ADAMTS19: variants seen among roughly 807,000 people sequenced by gnomAD.
ADAMTS19 encodes A disintegrin and metalloproteinase with thrombospondin motifs 19.
A neutral mutation model predicts 153.3 loss-of-function variants in ADAMTS19; 93 were observed. That is an observed-to-expected ratio of 0.61 (90% CI 0.51 to 0.72). The LOEUF is 0.72. Ranked by LOEUF, ADAMTS19 falls within the 30% of genes least tolerant of loss-of-function variation. The pLI is 0.00. For synonymous variants in ADAMTS19, 600 were observed against 556.6 expected, an observed-to-expected ratio of 1.08 and a Z score of -1.10; for missense variants, 1,482 against 1,552.1, an observed-to-expected ratio of 0.95 and a Z score of 0.76.
At chr5:129,718,240 A>G (rs1756818424) in intron 21 of ADAMTS19, among the ~76,000 whole-genome samples, 1 of 152,032 alleles carries the variant, frequency 6.6e-6, no homozygotes, top group Non-Finnish European at 1.5e-5. Context: ...TTTCTAAATC[A>G]TTCATAAGCA....
At position 129,694,848 on chromosome 5, in the gene ADAMTS19, C is replaced by T. The variant is rs1440278764; in HGVS notation, c.2947C>T (p.Gln983Ter). 6.3e-7 allele frequency: 1 copy of T among 1,586,198 alleles called. No individual in the cohort carries two copies. The highest frequency in any genetic ancestry group is 1.2e-5 in the South Asian group (1 of 86,596). Residue 983 changes from glutamine (Q) to a stop codon, truncating the protein, a stop_gained, in exon 19 of 23, where the codon CAA becomes TAA. Coordinates refer to ENST00000274487, the MANE Select transcript of ADAMTS19 (RefSeq NM_133638.6). LOFTEE classifies it high-confidence loss of function. ...QIRKCNEQPC[Q>*]TRWMMTEWTP... ...TCGAAAGTGCAATGAGCAACCATGT[C>T]AAACAAGGTAACTCTATTCCAAGGG...
In ADAMTS19 at chr5:129,668,706, A is replaced by C. The variant is rs1754164030; in HGVS notation, c.2506+3127A>C. On this transcript the variant is annotated intron_variant, in intron 16 of 22. Transcript: ENST00000274487. ...CATTGCAGTAGCATTCATAGGTTCC[A>C]AGGATTAGGATGTGGGTATCTTTTT... Among the ~76,000 whole-genome samples, 3 of 152,256 alleles carry C rather than the reference A, an allele frequency of 2.0e-5. 1 individual carries two copies. In the South Asian group the frequency reaches 6.2e-4, roughly 32 times the overall value.
intron 6 of ADAMTS19, among the ~76,000 whole-genome samples, chr5:129,537,477 G>A (rs1412170904): frequency 5.3e-5 from 8 of 152,080 alleles, no homozygotes; most frequent in African/African-American, 1.4e-4. Context: ...ACATGCACAC[G>A]TATGTTTATT....
intron 6 of ADAMTS19, among the ~76,000 whole-genome samples, chr5:129,538,691 C>T (rs145584519): frequency 1.5e-3 from 234 of 152,214 alleles, no homozygotes; most frequent in African/African-American, 5.2e-3. Flanking sequence ...AGAATGTTAT[C>T]TATGTTGTTG....
chr5:129,484,152 T>A (rs932141785), intron 2 of ADAMTS19, among the ~76,000 whole-genome samples: 2 of 152,246 alleles, frequency 1.3e-5, no homozygotes, highest in African/African-American at 4.8e-5. Context: ...CCTTTTTATA[T>A]GTTTCTGTTA....
intron 13 of ADAMTS19, among the ~76,000 whole-genome samples, chr5:129,651,274 A>C (rs1753303705): frequency 6.6e-6 from 1 of 152,180 alleles, no homozygotes; most frequent in African/African-American, 2.4e-5. Context: ...TGATATATCT[A>C]ATTGGATATC....
intron 18 of ADAMTS19, among the ~76,000 whole-genome samples, chr5:129,685,014 A>AAG (rs1755017339): frequency 6.6e-6 from 1 of 151,634 alleles, no homozygotes. Context: ...AAAAAAAAAA[A>AAG]GAAGTCTGTG....
At chr5:129,505,653 A>G (rs923254577) in intron 2 of ADAMTS19, among the ~76,000 whole-genome samples, 46 of 152,180 alleles carry the variant, frequency 3.0e-4, no homozygotes, top group African/African-American at 1.0e-3. Context: ...CAGTAAGAAA[A>G]GAAATGACTG....
chr5:129,648,214 G>A (rs896220982), intron 12 of ADAMTS19, among the ~76,000 whole-genome samples: 1 of 152,130 alleles, frequency 6.6e-6, no homozygotes, highest in Non-Finnish European at 1.5e-5. Context: ...AGAGCAGAAG[G>A]ATGATAAGAA....
At chr5:129,651,605 CT>C (rs1320452973) in intron 13 of ADAMTS19, among the ~76,000 whole-genome samples, 3 of 152,088 alleles carry the variant, frequency 2.0e-5, no homozygotes, top group Non-Finnish European at 4.4e-5. Context: ...TGACATCGTT[CT>C]TTATTTATTT....
intron 8 of ADAMTS19, among the ~76,000 whole-genome samples, chr5:129,613,214 C>A (rs1751322147): frequency 6.6e-6 from 1 of 152,110 alleles, no homozygotes; most frequent in African/African-American, 2.4e-5. Context: ...ACTCTCCACC[C>A]CAAATCACAG....
intron 21 of ADAMTS19, among the ~76,000 whole-genome samples, chr5:129,720,168 A>ATATATT (rs1756926530): frequency 7.8e-6 from 1 of 128,196 alleles, no homozygotes. Flanking sequence ...ATATATATAT[A>ATATATT]TATTTATTTT....
chr5:129,544,833 T>C (rs182034666), intron 6 of ADAMTS19, among the ~76,000 whole-genome samples: 12 of 152,230 alleles, frequency 7.9e-5, no homozygotes, highest in Admixed American at 7.2e-4. Context: ...CAAGCACAGG[T>C]TGTGAACAAA....
chr5:129,644,137 A>G (rs917208027), intron 11 of ADAMTS19, among the ~76,000 whole-genome samples: 2 of 152,214 alleles, frequency 1.3e-5, no homozygotes, highest in Non-Finnish European at 2.9e-5. Context: ...TGTAATTACT[A>G]AACAAAAGTA....
intron 8 of ADAMTS19, among the ~76,000 whole-genome samples, chr5:129,613,120 C>G (rs1296599073): frequency 6.6e-6 from 1 of 152,110 alleles, no homozygotes; most frequent in Non-Finnish European, 1.5e-5. Flanking sequence ...CAACATTAGA[C>G]AGATCAACGA....
intron 4 of ADAMTS19, among the ~76,000 whole-genome samples, chr5:129,526,913 T>C (rs951423445): frequency 6.6e-6 from 1 of 151,880 alleles, no homozygotes. Context: ...TTTTAATATA[T>C]GTTTATATAT....
Position 129,503,146 on chromosome 5 carries a change from A to G in ADAMTS19, c.748-5931A>G, listed in dbSNP as rs375453234. On this transcript the variant is annotated intron_variant, in intron 2 of 22. Coordinates refer to ENST00000274487, the MANE Select transcript of ADAMTS19 (RefSeq NM_133638.6). Reference sequence around the variant, plus strand: ...CTGTTATTGTTATATATGAAGTTTGAGTAGTAAAAGTAAAACTGGAGAGGC... The same window carrying G: ...CTGTTATTGTTATATATGAAGTTTGGGTAGTAAAAGTAAAACTGGAGAGGC... Among the ~76,000 whole-genome samples, 76 of 152,348 alleles carry G rather than the reference A, an allele frequency of 5.0e-4. No homozygotes were observed. The South Asian group carries it at 0.016, about 31-fold the overall frequency.
chr5:129,475,570 T>C (rs891177750), intron 2 of ADAMTS19, among the ~76,000 whole-genome samples: 2 of 152,192 alleles, frequency 1.3e-5, no homozygotes, highest in East Asian at 1.9e-4. Context: ...CAGTGGTTCA[T>C]GCCTGTAATC....
chr5:129,620,778 T>C lies in ADAMTS19; in HGVS notation c.1619+20T>C. On this transcript the variant is annotated intron_variant, in intron 9 of 22. Transcript: ENST00000274487. ...TCTCAGGTATGGAGGTCACTTATTG[T>C]TTTTGCCTTGTGAATGATTATGTGT... The C allele has an allele frequency of 6.2e-7, 1 of 1,608,440 alleles. No individual in the cohort carries two copies. The highest frequency in any genetic ancestry group is 8.5e-7 in the Non-Finnish European group (1 of 1,176,884).
Sources: allele counts gnomAD v4.1 joint callset (sites outside exome capture counted in the v4.1 genomes callset), GRCh38; gene constraint gnomAD v4.1.1; transcripts MANE v1.5; gene names NCBI Gene and HGNC (gene_info 2026-07-23, HGNC 2026-07-21).